The following CSMD1 variants were observed in gnomAD, a reference collection of about 807,000 sequenced individuals.
The protein encoded by CSMD1 is CUB and Sushi multiple domains 1.
A neutral mutation model predicts 417.5 loss-of-function variants in CSMD1; 213 were observed. The observed-to-expected ratio is 0.51, with a 90% CI of 0.46 to 0.57. The LOEUF (loss-of-function observed/expected upper bound fraction) is 0.57. Among genes scored for constraint, CSMD1 ranks in the 20% least tolerant of loss-of-function variants. The pLI, the probability that CSMD1 is intolerant of heterozygous loss-of-function variation, is 0.00. For synonymous variants in CSMD1, 2,862 were observed against 1,736.8 expected (o/e 1.65, Z -16.11); for missense variants, 6,923 against 4,529.7 (o/e 1.53, Z -15.17).
intron 26 of CSMD1, chr8:3,279,230 C>G (rs7822509): frequency 1.3e-5 from 2 of 152,016 alleles, no homozygotes; most frequent in Admixed American, 6.6e-5. Context: ...AATGAGAGCA[C>G]GAGGGAATAT....
At chr8:3,572,175 G>A (rs553867588) in intron 10 of CSMD1, among the ~76,000 whole-genome samples, 2 of 152,282 alleles carry the variant, frequency 1.3e-5, no homozygotes, top group South Asian at 2.1e-4. Context: ...GCGCATTCGA[G>A]CACTCCTTCT....
intron 3 of CSMD1, among the ~76,000 whole-genome samples, chr8:4,149,774 G>A (rs957532852): frequency 6.6e-6 from 1 of 152,154 alleles, no homozygotes; most frequent in African/African-American, 2.4e-5. Context: ...TGGATGTGTC[G>A]TAGTTGCTTC....
intron 3 of CSMD1, among the ~76,000 whole-genome samples, chr8:4,103,272 T>TATATATA (rs1471431880): frequency 2.6e-5 from 4 of 151,086 alleles, no homozygotes; most frequent in African/African-American, 7.3e-5. Flanking sequence ...ACATTATATA[T>TATATATA]ATCATACTGA....
At chr8:4,860,580 T>G (rs761883041) in intron 1 of CSMD1, among the ~76,000 whole-genome samples, 1 of 152,098 alleles carries the variant, frequency 6.6e-6, no homozygotes, top group Non-Finnish European at 1.5e-5. Context: ...TGCAGAATCA[T>G]GAGCCAATTA....
At chr8:4,226,701 C>T (rs1801379218) in intron 3 of CSMD1, among the ~76,000 whole-genome samples, 1 of 152,006 alleles carries the variant, frequency 6.6e-6, no homozygotes, top group African/African-American at 2.4e-5. Flanking sequence ...TTTACGTCCT[C>T]TTTAAAAAAG....
At chr8:4,861,586 C>A (rs1050635140) in intron 1 of CSMD1, among the ~76,000 whole-genome samples, 12 of 152,090 alleles carry the variant, frequency 7.9e-5, no homozygotes, top group Middle Eastern at 3.2e-3. Flanking sequence ...GGATTGTCAA[C>A]TGAAGTTCTT....
chr8:4,324,853 C>A (rs1349191684), intron 3 of CSMD1, among the ~76,000 whole-genome samples: 3 of 152,186 alleles, frequency 2.0e-5, no homozygotes, highest in Non-Finnish European at 4.4e-5. Flanking sequence ...GGAGGGACTC[C>A]CATCCCAGCA....
At chr8:3,920,701 G>A (rs1809183827) in intron 5 of CSMD1, among the ~76,000 whole-genome samples, 1 of 151,750 alleles carries the variant, frequency 6.6e-6, no homozygotes, top group Admixed American at 6.6e-5. Context: ...GTTAAATTTT[G>A]TCAAATGCTT....
At chr8:4,469,488 T>C (rs1328150649) in intron 2 of CSMD1, among the ~76,000 whole-genome samples, 2 of 152,182 alleles carry the variant, frequency 1.3e-5, no homozygotes, top group African/African-American at 4.8e-5. Context: ...TCAAAACAGG[T>C]GAGTAGATTT....
chr8:3,142,948 G>A (rs1818595027), intron 40 of CSMD1, among the ~76,000 whole-genome samples: 1 of 152,186 alleles, frequency 6.6e-6, no homozygotes, highest in African/African-American at 2.4e-5. Flanking sequence ...CCGTACCACA[G>A]AGCTACACAG....
At chr8:3,208,497 C>A (rs1244647909) in intron 30 of CSMD1, among the ~76,000 whole-genome samples, 1 of 152,146 alleles carries the variant, frequency 6.6e-6, no homozygotes, top group Non-Finnish European at 1.5e-5. Flanking sequence ...GATCTGTTGA[C>A]CTCGTGATCC....
rs988127681 is a variant in CSMD1, at chr8:4,994,623, C to A, written c.-207G>T. On this transcript the variant is annotated 5_prime_UTR_variant, in exon 1 of 70. Transcript: ENST00000635120. ...CATCGGGTCCCGAGCCACTGCAGGG[C>A]TGAGCTGCTCCGAGCGCGGAGACCC... 5 of 496,610 alleles carry A rather than the reference C, an allele frequency of 1.0e-5. No individual in the cohort carries two copies. The highest frequency in any genetic ancestry group is 8.1e-5 in the African/African-American group (4 of 49,242). 30.8% of individuals were successfully genotyped at this position (496,610 alleles called of 1,614,324 possible).
At chr8:4,142,320 A>T (rs573078213) in intron 3 of CSMD1, among the ~76,000 whole-genome samples, 1 of 151,140 alleles carries the variant, frequency 6.6e-6, no homozygotes, top group South Asian at 2.1e-4. Flanking sequence ...ATCTTTATCC[A>T]CCTCATTAGC....
At chr8:4,791,488 G>A (rs760291549) in intron 1 of CSMD1, among the ~76,000 whole-genome samples, 3 of 152,242 alleles carry the variant, frequency 2.0e-5, no homozygotes, top group East Asian at 1.9e-4. Flanking sequence ...TCACCACAGC[G>A]CTCAAGGAGT....
intron 7 of CSMD1, among the ~76,000 whole-genome samples, chr8:3,668,418 C>T (rs1455975068): frequency 6.6e-6 from 1 of 152,080 alleles, no homozygotes; most frequent in East Asian, 1.9e-4. Flanking sequence ...ACTCAGGTAG[C>T]TACAGTGTAA....
chr8:4,907,374 G>C (rs780946432), intron 1 of CSMD1, among the ~76,000 whole-genome samples: 1 of 152,146 alleles, frequency 6.6e-6, no homozygotes, highest in Non-Finnish European at 1.5e-5. Context: ...AAATGAGAAG[G>C]TCCCTTGTTA....
At chr8:4,719,770 C>T (rs1808929543) in intron 1 of CSMD1, among the ~76,000 whole-genome samples, 1 of 152,108 alleles carries the variant, frequency 6.6e-6, no homozygotes, top group African/African-American at 2.4e-5. Flanking sequence ...TTTCAAAGTA[C>T]AAATTATTAT....
chr8:3,303,319 C>A (rs546804249), intron 25 of CSMD1, among the ~76,000 whole-genome samples: 5 of 152,108 alleles, frequency 3.3e-5, no homozygotes, highest in Admixed American at 2.6e-4. Flanking sequence ...ATTAATATTC[C>A]TAGATCTCCA....
intron 5 of CSMD1, among the ~76,000 whole-genome samples, chr8:3,805,116 G>T (rs1343845458): frequency 6.6e-6 from 1 of 152,076 alleles, no homozygotes; most frequent in Non-Finnish European, 1.5e-5. Flanking sequence ...AATGGGAAGG[G>T]GTCTAGAATT....
Sources: gnomAD v4.1 joint callset for allele counts (sites outside exome capture counted in the v4.1 genomes callset) on GRCh38, gnomAD v4.1.1 for gene constraint, MANE v1.5 for transcripts, NCBI Gene and HGNC (gene_info 2026-07-23, HGNC 2026-07-21) for gene names.